The following DRC12 variants were observed in gnomAD, a reference collection of about 807,000 sequenced individuals.
DRC12 encodes the protein dynein regulatory complex protein 12.
chr11:119,194,015 G>T, the DRC12 span: 3 of 913,088 alleles, frequency 3.3e-6, no homozygotes, highest in Admixed American at 3.0e-5. Context: ...TCTCTCTCTG[G>T]GTTTTGTTGT....
At chr11:119,193,996 G>T in the DRC12 span, 2 of 1,043,954 alleles carry the variant, frequency 1.9e-6, no homozygotes, top group African/African-American at 3.2e-5. Context: ...GGGGTGTCCA[G>T]CCTCTTACTC....
At chr11:119,193,008 G>A in the DRC12 span, 2 of 722,550 alleles carry the variant, frequency 2.8e-6, no homozygotes, top group Non-Finnish European at 4.9e-6. Context: ...GTCCTCAGTG[G>A]TGGAGGGTCA....
chr11:119,193,797 C>T, the DRC12 span: 2 of 1,551,690 alleles, frequency 1.3e-6, no homozygotes, highest in South Asian at 1.2e-5. Flanking sequence ...CACTTCGGGC[C>T]CCTTCCAGCT....
At chr11:119,191,690 C>CCCAGCTACT in the DRC12 span, among the ~76,000 whole-genome samples, 6 of 151,728 alleles carry the variant, frequency 4.0e-5, no homozygotes, top group African/African-American at 1.5e-4. Context: ...CACCTGTAAT[C>CCCAGCTACT]CCAGCTACTC....
chr11:119,191,282 T>C, the DRC12 span, among the ~76,000 whole-genome samples: 5 of 151,594 alleles, frequency 3.3e-5, no homozygotes, highest in East Asian at 5.9e-4. Flanking sequence ...GAATTTTTAG[T>C]AGAGATGGGG....
At chr11:119,195,588 C>A in the DRC12 span, 2 of 925,036 alleles carry the variant, frequency 2.2e-6, no homozygotes, top group Non-Finnish European at 1.7e-6. Context: ...CTCCTGAGTC[C>A]AAATTTGTCT....
At chr11:119,193,396 C>A in the DRC12 span, 1 of 832,190 alleles carries the variant, frequency 1.2e-6, no homozygotes, top group African/African-American at 1.7e-5. Flanking sequence ...TGAGAAGCTG[C>A]AGACCATGAA....
the DRC12 span, chr11:119,193,328 C>T: frequency 8.5e-7 from 1 of 1,176,472 alleles, no homozygotes; most frequent in Non-Finnish European, 1.3e-6. Context: ...GTGGGGAAGA[C>T]TCTACTTGGT....
At chr11:119,192,753 TCTC>T in the DRC12 span, among the ~76,000 whole-genome samples, 3 of 152,110 alleles carry the variant, frequency 2.0e-5, no homozygotes, top group African/African-American at 7.2e-5. Flanking sequence ...TTCAAGCGAT[TCTC>T]CTGCTTCAGC....
the DRC12 span, chr11:119,190,727 A>G: frequency 6.2e-7 from 1 of 1,613,768 alleles, no homozygotes; most frequent in African/African-American, 1.3e-5. This position sits in a 1 kb window ranked among gnomAD's most constrained non-coding sequence, Gnocchi z 4.2. Flanking sequence ...ATTTCCTCAT[A>G]CTTCGCCTCC....
the DRC12 span, chr11:119,190,655 G>A: frequency 1.3e-6 from 2 of 1,587,554 alleles, no homozygotes; most frequent in Non-Finnish European, 8.6e-7. This position sits in a 1 kb window ranked among gnomAD's most constrained non-coding sequence, Gnocchi z 4.2. Context: ...GGGGTTTGTG[G>A]GCATGGGGGA....
At chr11:119,191,060 A>C in the DRC12 span, among the ~76,000 whole-genome samples, 1 of 151,564 alleles carries the variant, frequency 6.6e-6, no homozygotes, top group African/African-American at 2.4e-5. Context: ...ATTACTACCT[A>C]GGTGACCACA....
chr11:119,194,775 C>CA, the DRC12 span: 6 of 442,092 alleles, frequency 1.4e-5, no homozygotes, highest in Non-Finnish European at 2.3e-5. Flanking sequence ...TCACTGCCCA[C>CA]CCTCTCTCAT....
chr11:119,193,489 G>T, the DRC12 span: 1 of 1,209,856 alleles, frequency 8.3e-7, no homozygotes, highest in Non-Finnish European at 1.1e-6. Context: ...CCCCGCCCAT[G>T]GGCTGATTGA....
chr11:119,195,276 T>G, the DRC12 span: 1 of 734,124 alleles, frequency 1.4e-6, no homozygotes, highest in Non-Finnish European at 2.3e-6. Flanking sequence ...CTCAGCTCCC[T>G]GGATCTGGCT....
the DRC12 span, among the ~76,000 whole-genome samples, chr11:119,192,501 G>A: frequency 6.6e-6 from 1 of 152,168 alleles, no homozygotes; most frequent in Non-Finnish European, 1.5e-5. Flanking sequence ...AAGTAAATAA[G>A]TCAAACATTT....
the DRC12 span, among the ~76,000 whole-genome samples, chr11:119,194,376 G>C: frequency 6.6e-6 from 1 of 151,756 alleles, no homozygotes; most frequent in African/African-American, 2.4e-5. Context: ...AGCCAGGTGT[G>C]GTGGCCACGT....
chr11:119,194,863 C>A, the DRC12 span: 1 of 1,305,010 alleles, frequency 7.7e-7, no homozygotes. Flanking sequence ...CCCCAGGATA[C>A]AGAAATGCCC....
At chr11:119,191,020 C>G in the DRC12 span, among the ~76,000 whole-genome samples, 1 of 152,072 alleles carries the variant, frequency 6.6e-6, no homozygotes, top group Non-Finnish European at 1.5e-5. Flanking sequence ...CAGAGAGTGG[C>G]GGGCTTGAGA....
Sources: gnomAD v4.1 joint callset for allele counts (sites outside exome capture counted in the v4.1 genomes callset) on GRCh38, gnomAD v4.1.1 for gene constraint, Gnocchi (gnomAD v3.1) non-coding constraint, MANE v1.5 for transcripts, NCBI Gene and HGNC (gene_info 2026-07-23, HGNC 2026-07-21) for gene names.